Variants in C1GALT1 observed in about 807,000 individuals in gnomAD.
C1GALT1 encodes glycoprotein-N-acetylgalactosamine 3-beta-galactosyltransferase 1.
A neutral mutation model predicts 31.0 loss-of-function variants in C1GALT1; 11 were observed. The observed-to-expected ratio is 0.36, with a 90% CI of 0.22 to 0.59. C1GALT1 has a LOEUF of 0.59. Ranked by LOEUF, C1GALT1 falls within the 20% of genes least tolerant of loss-of-function variation. The probability of loss-of-function intolerance (pLI) is 0.79; values close to 1 mark genes in which losing one functional copy is unlikely to be tolerated. For missense variants in C1GALT1, 424 were observed against 425.2 expected, an observed-to-expected ratio of 1.00 and a Z score of 0.03; for synonymous variants, 175 against 143.6, an observed-to-expected ratio of 1.22 and a Z score of -1.56.
intron 1 of C1GALT1, among the ~76,000 whole-genome samples, chr7:7,199,540 G>A (rs1479669691): frequency 6.6e-6 from 1 of 152,220 alleles, no homozygotes; most frequent in African/African-American, 2.4e-5. Context: ...GAGTTCTGTA[G>A]ATGTCTATTA....
chr7:7,162,948 C>A (rs1468092432), intron 2 of C1GALT1, among the ~76,000 whole-genome samples: 1 of 152,154 alleles, frequency 6.6e-6, no homozygotes. Flanking sequence ...CCTTCGCCCA[C>A]TTTTTGATGG....
intron 2 of C1GALT1, among the ~76,000 whole-genome samples, chr7:7,158,414 C>G (rs1780297037): frequency 6.6e-6 from 1 of 152,068 alleles, no homozygotes; most frequent in Non-Finnish European, 1.5e-5. Context: ...GATGTGGACT[C>G]AAATTCTGAT....
intron 1 of C1GALT1, among the ~76,000 whole-genome samples, chr7:7,230,110 A>G (rs1782996693): frequency 1.3e-5 from 2 of 152,184 alleles, no homozygotes; most frequent in Admixed American, 1.3e-4. Context: ...CTGAAATATA[A>G]GATATATAAT....
intron 2 of C1GALT1, among the ~76,000 whole-genome samples, chr7:7,166,855 A>G (rs1324540466): frequency 6.6e-6 from 1 of 152,228 alleles, no homozygotes; most frequent in Non-Finnish European, 1.5e-5. Flanking sequence ...TTATACAAGG[A>G]GTCCTAGACT....
intron 1 of C1GALT1, among the ~76,000 whole-genome samples, chr7:7,195,219 G>T (rs181858927): frequency 6.6e-6 from 1 of 152,192 alleles, no homozygotes; most frequent in Admixed American, 6.5e-5. Context: ...CTGGATTTGG[G>T]TTTGGTTTGT....
At chr7:7,185,808 C>T (rs946299744) in intron 1 of C1GALT1, among the ~76,000 whole-genome samples, 2 of 152,142 alleles carry the variant, frequency 1.3e-5, no homozygotes, top group African/African-American at 4.8e-5. Flanking sequence ...CACAGTTTAA[C>T]CTGTAACAGT....
intron 1 of C1GALT1, among the ~76,000 whole-genome samples, chr7:7,222,459 T>G (rs1018322514): frequency 2.0e-5 from 3 of 152,254 alleles, no homozygotes; most frequent in Non-Finnish European, 4.4e-5. Context: ...GAGTCAGATT[T>G]GATAATTAGC....
intron 2 of C1GALT1, among the ~76,000 whole-genome samples, chr7:7,170,706 C>T (rs1411377750): frequency 6.6e-6 from 1 of 152,202 alleles, no homozygotes; most frequent in Admixed American, 6.5e-5. Context: ...CACTTGAACC[C>T]AGGAGGCAGA....
intron 1 of C1GALT1, among the ~76,000 whole-genome samples, chr7:7,222,586 A>C (rs1206593603): frequency 2.0e-5 from 3 of 152,208 alleles, no homozygotes; most frequent in Non-Finnish European, 2.9e-5. Context: ...TTCTGATTTG[A>C]ACAAACCAAC....
upstream of C1GALT1, among the ~76,000 whole-genome samples, chr7:7,180,949 G>C (rs1285293220): frequency 6.6e-6 from 1 of 152,072 alleles, no homozygotes; most frequent in South Asian, 2.1e-4. Context: ...AAGGCAGGGT[G>C]GGGGCAGGGC....
chr7:7,172,615 C>T (rs997103251), intron 2 of C1GALT1, among the ~76,000 whole-genome samples: 7 of 152,140 alleles, frequency 4.6e-5, no homozygotes, highest in Admixed American at 1.3e-4. Context: ...CAGGTCCCTT[C>T]ATCTCTGTAA....
chr7:7,241,109 A>ATATC (rs147259534), intron 3 of C1GALT1, among the ~76,000 whole-genome samples: 11,229 of 151,816 alleles, frequency 0.074, 496 homozygotes, highest in East Asian at 0.17. Context: ...TTACATATAT[A>ATATC]TCTCTCTACA....
At chr7:7,168,722 G>A (rs1780423159) in intron 2 of C1GALT1, among the ~76,000 whole-genome samples, 5 of 152,164 alleles carry the variant, frequency 3.3e-5, no homozygotes, top group African/African-American at 4.8e-5. Context: ...TTAATTACCT[G>A]TAAGAATATT....
intron 2 of C1GALT1, chr7:7,234,777 A>AT: frequency 2.8e-6 from 1 of 355,814 alleles, no homozygotes; most frequent in South Asian, 5.0e-5. Context: ...GGGGAAGGGC[A>AT]TAACTATTCA....
intron 1 of C1GALT1, among the ~76,000 whole-genome samples, chr7:7,187,765 A>C (rs1780885517): frequency 6.6e-6 from 1 of 152,214 alleles, no homozygotes; most frequent in Non-Finnish European, 1.5e-5. Context: ...AGAGGAGCTG[A>C]CCATATTGGG....
chr7:7,220,526 CT>C (rs58511737), intron 1 of C1GALT1, among the ~76,000 whole-genome samples: 3 of 150,524 alleles, frequency 2.0e-5, no homozygotes, highest in African/African-American at 4.9e-5. Flanking sequence ...TATCTTTATT[CT>C]TTTTTTTTTG....
At chr7:7,220,128 A>G (rs1233730812) in intron 1 of C1GALT1, among the ~76,000 whole-genome samples, 1 of 152,224 alleles carries the variant, frequency 6.6e-6, no homozygotes, top group African/African-American at 2.4e-5. Context: ...GGAATGTGCT[A>G]AAGAGAATCT....
At chr7:7,158,505 C>A (rs1780298245) in intron 2 of C1GALT1, among the ~76,000 whole-genome samples, 1 of 151,694 alleles carries the variant, frequency 6.6e-6, no homozygotes, top group South Asian at 2.1e-4. Context: ...TATAACGATT[C>A]CTATATAACA....
In C1GALT1 at chr7:7,238,997, T is replaced by G. The variant is rs1452672276; in HGVS notation, c.888+75T>G. The G allele has an allele frequency of 2.5e-6, 3 of 1,200,990 alleles. No individual in the cohort carries two copies. Among genetic ancestry groups the G allele is most frequent in the Non-Finnish European group, 3.5e-6 (3 of 858,154 alleles). 74.4% of individuals were successfully genotyped at this position (1,200,990 alleles called of 1,614,324 possible). A position where few individuals can be genotyped will look rare whatever the true frequency, so the allele number is the denominator to read the frequency against. ...TTGTTGATAAAAACATGTTAATATG[T>G]GTATGTTTCTTTAGTACCAACAACA... On this transcript the variant is annotated intron_variant, in intron 3 of 3. Coordinates refer to ENST00000436587, the MANE Select transcript of C1GALT1 (RefSeq NM_020156.5). This position sits in a 1 kb window ranked among gnomAD's most constrained non-coding sequence, Gnocchi z 5.2.
Sources: gnomAD v4.1 joint callset for allele counts (sites outside exome capture counted in the v4.1 genomes callset) on GRCh38, gnomAD v4.1.1 for gene constraint, Gnocchi (gnomAD v3.1) non-coding constraint, MANE v1.5 for transcripts, NCBI Gene and HGNC (gene_info 2026-07-23, HGNC 2026-07-21) for gene names.